Variants in USP33 observed in about 807,000 individuals in gnomAD.
USP33 encodes ubiquitin specific peptidase 33.
Under a neutral mutation model 124.2 loss-of-function variants are expected in USP33, and 46 were observed. That is an observed-to-expected ratio of 0.37 (90% CI 0.29 to 0.47). The LOEUF (loss-of-function observed/expected upper bound fraction) is 0.47. Ranked by LOEUF, USP33 falls within the 20% of genes least tolerant of loss-of-function variation. The pLI, the probability that USP33 is intolerant of heterozygous loss-of-function variation, is 0.99. For synonymous variants in USP33, 350 were observed against 352.3 expected (o/e 0.99, Z 0.07); for missense variants, 851 against 1,070.6 (o/e 0.79, Z 2.86).
rs1291714886 is a variant in USP33 at position 77,725,620 on chromosome 1, A to C, written c.1276+2T>G. On this transcript the variant is annotated splice_donor_variant, in intron 11 of 23. Transcript: ENST00000370794. LOFTEE classifies it high-confidence loss of function. The stretch of plus-strand genomic sequence containing the variant: ...AGAGACTGAATAAGAGAAACGTTTT[A>C]CCTTTTTTGTGTGGTGGTGCCAATC... 1 of 1,613,870 alleles carries C rather than the reference A, an allele frequency of 6.2e-7. No individual in the cohort carries two copies. The highest frequency in any genetic ancestry group is 8.5e-7 in the Non-Finnish European group (1 of 1,179,932).
intron 22 of USP33, among the ~76,000 whole-genome samples, chr1:77,700,939 T>C (rs1673943985): frequency 1.3e-5 from 2 of 152,152 alleles, no homozygotes; most frequent in African/African-American, 4.8e-5. Context: ...CGTCAGGTGA[T>C]CCACCCACGT....
intron 21 of USP33, among the ~76,000 whole-genome samples, chr1:77,710,601 A>G (rs1334605224): frequency 6.6e-6 from 1 of 152,234 alleles, no homozygotes; most frequent in Non-Finnish European, 1.5e-5. Flanking sequence ...ACTTTACTTT[A>G]GGCAAGGGCA....
intron 7 of USP33, among the ~76,000 whole-genome samples, chr1:77,731,533 G>A (rs915647882): frequency 6.6e-6 from 1 of 151,452 alleles, no homozygotes; most frequent in African/African-American, 2.4e-5. Flanking sequence ...TTTGCCAAGT[G>A]TAATCTTTTT....
intron 21 of USP33, among the ~76,000 whole-genome samples, chr1:77,703,548 C>T (rs1272455151): frequency 6.6e-6 from 1 of 152,082 alleles, no homozygotes; most frequent in African/African-American, 2.4e-5. Flanking sequence ...CACTTGAACC[C>T]GGGACGAGAA....
In USP33 at chr1:77,759,850, TC is replaced by T. The variant is rs1313353602; in HGVS notation, c.-260del. On this transcript the variant is annotated 5_prime_UTR_variant, in exon 1 of 24. Transcript: ENST00000370794. The stretch of plus-strand genomic sequence containing the variant: ...AGCAGCCGCGGCTCCTTCCGGTGTC[TC>T]CGGGGCCGCCGCAGGCGTCTCCGGC... The T allele has an allele frequency of 2.5e-6, 1 of 395,114 alleles. No homozygotes were observed. Among genetic ancestry groups the T allele is most frequent in the Non-Finnish European group, 4.5e-6 (1 of 224,260 alleles). The allele number at this position is 395,114 out of a possible 1,614,324, so 24.5% of individuals were successfully genotyped here.
intron 1 of USP33, among the ~76,000 whole-genome samples, chr1:77,753,871 A>T (rs752329889): frequency 1.3e-5 from 2 of 150,986 alleles, no homozygotes; most frequent in African/African-American, 2.4e-5. Context: ...TATATAAAAT[A>T]CTTAGAAGAG....
At chr1:77,753,830 T>C (rs945313991) in intron 1 of USP33, among the ~76,000 whole-genome samples, 1 of 149,764 alleles carries the variant, frequency 6.7e-6, no homozygotes, top group Non-Finnish European at 1.5e-5. Context: ...ACATAATACG[T>C]TAATATATAA....
chr1:77,734,463 T>C (rs2101506117), intron 6 of USP33, 47 bp from the exon 7 acceptor site: 4 of 1,255,034 alleles, frequency 3.2e-6, no homozygotes, highest in Non-Finnish European at 1.1e-6. Flanking sequence ...TAATGCAAAA[T>C]GACTCAATTT....
Position 77,722,325 on chromosome 1 carries a change from A to C in USP33, c.1390-129T>G. 7.9e-6 allele frequency: 7 copies of C among 885,500 alleles called. 1 individual carries two copies. The highest frequency in any genetic ancestry group is 8.3e-6 in the Non-Finnish European group (5 of 604,074). The allele number at this position is 885,500 out of a possible 1,614,324, so 54.9% of individuals were successfully genotyped here. On this transcript the variant is annotated intron_variant, in intron 12 of 23. Coordinates refer to ENST00000370794, the MANE Select transcript of USP33 (RefSeq NM_201624.3). ...AAAAAAACAAAAAACAAAAAAAAAC[A>C]CGCAAATTGAACTGCTTTCATAGTC...
intron 15 of USP33, among the ~76,000 whole-genome samples, chr1:77,719,253 T>C (rs970056997): frequency 1.3e-5 from 2 of 151,508 alleles, no homozygotes; most frequent in Non-Finnish European, 2.9e-5. Flanking sequence ...CAGCTATTCA[T>C]GAGGCTGAGG....
chr1:77,741,543 C>T (rs557760792), intron 2 of USP33, 74 bp downstream of exon 2: 5 of 1,536,274 alleles, frequency 3.3e-6, no homozygotes, highest in African/African-American at 1.4e-5. Context: ...TAGAGTATTA[C>T]AGTAATTTAT....
intron 5 of USP33, among the ~76,000 whole-genome samples, chr1:77,737,052 AC>A (rs1678549149): frequency 6.6e-6 from 1 of 152,076 alleles, no homozygotes; most frequent in African/African-American, 2.4e-5. Context: ...AAAAAAAAAA[AC>A]GAAAAAAACT....
intron 5 of USP33, among the ~76,000 whole-genome samples, chr1:77,737,972 G>A (rs1678671623): frequency 6.6e-6 from 1 of 152,184 alleles, no homozygotes; most frequent in Non-Finnish European, 1.5e-5. Flanking sequence ...AATAATGTAA[G>A]AGGATTCAAC....
intron 11 of USP33, among the ~76,000 whole-genome samples, chr1:77,723,988 G>T (rs1248639661): frequency 6.6e-6 from 1 of 151,602 alleles, no homozygotes; most frequent in Non-Finnish European, 1.5e-5. Flanking sequence ...AAGTATAAAT[G>T]ATCCTTGGCC....
chr1:77,729,816 A>T (rs1262105138), intron 9 of USP33, 44 bp downstream of exon 9: 2 of 1,593,660 alleles, frequency 1.3e-6, no homozygotes, highest in East Asian at 2.2e-5. Context: ...GCATTTTCCA[A>T]ATTTATTTAG....
chr1:77,723,550 CTTA>C, intron 11 of USP33, 107 bp from the exon 12 acceptor site: 1 of 685,742 alleles, frequency 1.5e-6, no homozygotes, highest in Non-Finnish European at 2.4e-6. Context: ...CTCTAGAATC[CTTA>C]AACTGTAAAA....
intron 7 of USP33, among the ~76,000 whole-genome samples, chr1:77,732,165 CAA>C (rs1677900779): frequency 6.6e-6 from 1 of 150,866 alleles, no homozygotes; most frequent in East Asian, 1.9e-4. Flanking sequence ...GTTATATCGG[CAA>C]AGTTATTTAA....
chr1:77,714,660 G>C lies in USP33; in HGVS notation c.2169C>G (p.Ala723=), dbSNP rs749847217. 2.5e-6 allele frequency: 4 copies of C among 1,613,202 alleles called. No homozygotes were observed. The African/African-American group carries it at 5.3e-5, about 22-fold the overall frequency. The change falls in exon 19 of 24, where the codon GCC becomes GCG. Residue 723 remains alanine (A), a synonymous_variant. Transcript: ENST00000370794. ...RQWLNKFKTF[A]EPGPISNNDF... ...CATTATTTGAAATAGGGCCAGGTTC[G>C]GCAAAGGTCTTAAATTTATTAAGCC...
chr1:77,710,332 T>C (rs1675107524), intron 21 of USP33, among the ~76,000 whole-genome samples: 1 of 152,344 alleles, frequency 6.6e-6, no homozygotes, highest in East Asian at 1.9e-4. Context: ...TCAGCAGTGG[T>C]CTTCTTGACC....
Sources: gnomAD v4.1 joint callset for allele counts (sites outside exome capture counted in the v4.1 genomes callset) on GRCh38, gnomAD v4.1.1 for gene constraint, MANE v1.5 for transcripts, NCBI Gene and HGNC (gene_info 2026-07-23, HGNC 2026-07-21) for gene names.